RGS8: variants seen among roughly 807,000 people sequenced by gnomAD.
The protein encoded by RGS8 is regulator of G protein signaling 8.
RGS8 carries 8 observed loss-of-function variants against 21.7 expected under a neutral mutation model. That is an observed-to-expected ratio of 0.37 (90% CI 0.22 to 0.66). RGS8 has a LOEUF of 0.66. Among genes scored for constraint, RGS8 ranks in the 30% least tolerant of loss-of-function variants. The pLI is 0.59. For missense variants in RGS8, 157 were observed against 217.9 expected, an observed-to-expected ratio of 0.72 and a Z score of 1.76; for synonymous variants, 80 against 83.6, an observed-to-expected ratio of 0.96 and a Z score of 0.24.
At chr1:182,748,264 C>T in the RGS8 span, among the ~76,000 whole-genome samples, 6 of 152,150 alleles carry the variant, frequency 3.9e-5, no homozygotes, top group Non-Finnish European at 7.3e-5. Context: ...TCCCATTTCC[C>T]CCTCTCCTAA....
chr1:182,746,706 A>AAG, the RGS8 span, among the ~76,000 whole-genome samples: 233 of 150,808 alleles, frequency 1.5e-3, no homozygotes, highest in East Asian at 0.02. Context: ...GAAGGAAAGA[A>AAG]AGAGAGAGAG....
chr1:182,664,495 T>G (rs1663757542), intron 5 of RGS8, among the ~76,000 whole-genome samples: 1 of 152,130 alleles, frequency 6.6e-6, no homozygotes, highest in Non-Finnish European at 1.5e-5. Flanking sequence ...GAAACCAAAC[T>G]TCAAGATGAC....
the RGS8 span, among the ~76,000 whole-genome samples, chr1:182,709,724 G>C: frequency 2.0e-5 from 3 of 152,214 alleles, no homozygotes; most frequent in East Asian, 5.8e-4. Flanking sequence ...GCAAACTACT[G>C]CCAACCTAAT....
At chr1:182,702,105 A>G in the RGS8 span, among the ~76,000 whole-genome samples, 1 of 152,214 alleles carries the variant, frequency 6.6e-6, no homozygotes, top group African/African-American at 2.4e-5. Context: ...AAAATAAATC[A>G]TTCTGCTAAA....
At chr1:182,734,167 C>T in the RGS8 span, among the ~76,000 whole-genome samples, 4 of 151,866 alleles carry the variant, frequency 2.6e-5, no homozygotes, top group Admixed American at 1.3e-4. Flanking sequence ...GCAATCCGCC[C>T]GCCTCAGCCT....
chr1:182,742,693 CG>C, the RGS8 span, among the ~76,000 whole-genome samples: 1 of 152,112 alleles, frequency 6.6e-6, no homozygotes, highest in Non-Finnish European at 1.5e-5. Flanking sequence ...GCAGCAGTAC[CG>C]TCCAGCTTTG....
chr1:182,724,200 G>GGAGATA, the RGS8 span, among the ~76,000 whole-genome samples: 1 of 44,820 alleles, frequency 2.2e-5, no homozygotes, highest in African/African-American at 8.1e-5. Context: ...AGGCTAGACT[G>GGAGATA]GATATATATA....
chr1:182,693,793 TA>T, the RGS8 span, among the ~76,000 whole-genome samples: 1 of 152,132 alleles, frequency 6.6e-6, no homozygotes, highest in Non-Finnish European at 1.5e-5. Context: ...ACACAGCTAT[TA>T]AAAAATGAGA....
rs1196854355 is a variant in RGS8 at position 182,653,823 on chromosome 1, C to G, written c.194-5520G>C. Among the ~76,000 whole-genome samples, 3 of 152,288 alleles carry G rather than the reference C, an allele frequency of 2.0e-5. No individual in the cohort carries two copies. In the East Asian group the frequency reaches 5.8e-4, roughly 29 times the overall value. On this transcript the variant is annotated intron_variant, in intron 5 of 6. Transcript: ENST00000483095. Reference sequence around the variant, plus strand: ...AATCTAACTGACAAAATGTTGCACCCAGGAAGGTAGAAGAAATAGGATGAG... The same window carrying G: ...AATCTAACTGACAAAATGTTGCACCGAGGAAGGTAGAAGAAATAGGATGAG...
At chr1:182,706,200 G>A in the RGS8 span, among the ~76,000 whole-genome samples, 1 of 151,978 alleles carries the variant, frequency 6.6e-6, no homozygotes, top group South Asian at 2.1e-4. Context: ...GCCTGGGCTG[G>A]TCTCAAACTC....
the RGS8 span, among the ~76,000 whole-genome samples, chr1:182,693,184 A>G: frequency 6.6e-6 from 1 of 152,240 alleles, no homozygotes; most frequent in Non-Finnish European, 1.5e-5. Context: ...GGATAAACAG[A>G]CAACATAAAG....
At chr1:182,691,453 T>G in the RGS8 span, among the ~76,000 whole-genome samples, 1 of 151,986 alleles carries the variant, frequency 6.6e-6, no homozygotes, top group African/African-American at 2.4e-5. Context: ...CCACCATGAT[T>G]AAGTAGGCTT....
chr1:182,642,665 C>G (rs1662518389), downstream of RGS8: 1 of 152,276 alleles, frequency 6.6e-6, no homozygotes, highest in African/African-American at 2.4e-5. Context: ...GGGCCTGCAC[C>G]CAGAGGCTGG....
the RGS8 span, among the ~76,000 whole-genome samples, chr1:182,733,305 A>G: frequency 6.6e-6 from 1 of 152,362 alleles, no homozygotes; most frequent in Non-Finnish European, 1.5e-5. Context: ...GCCGTGCTCA[A>G]TATCCCAGGA....
chr1:182,669,539 GC>G, intron 3 of RGS8, 84 bp downstream of exon 4: 1 of 1,599,258 alleles, frequency 6.3e-7, no homozygotes, highest in African/African-American at 1.3e-5. Flanking sequence ...GAAGGCTTGG[GC>G]CAGACTCAAA....
At chr1:182,711,701 G>T in the RGS8 span, among the ~76,000 whole-genome samples, 1 of 152,250 alleles carries the variant, frequency 6.6e-6, no homozygotes, top group East Asian at 1.9e-4. Flanking sequence ...TTGTCTACCA[G>T]GAGCTCAAGG....
At chr1:182,651,715 A>C (rs762209007) in intron 5 of RGS8, among the ~76,000 whole-genome samples, 3 of 152,186 alleles carry the variant, frequency 2.0e-5, no homozygotes, top group Non-Finnish European at 2.9e-5. Flanking sequence ...CTCTAGAGGG[A>C]ACTCGGATTA....
At chr1:182,738,994 T>C in the RGS8 span, among the ~76,000 whole-genome samples, 1 of 152,214 alleles carries the variant, frequency 6.6e-6, no homozygotes. Flanking sequence ...AGATCTGTAG[T>C]TGTATCTCTG....
chr1:182,671,329 C>T (rs1664147237), intron 2 of RGS8, among the ~76,000 whole-genome samples: 1 of 152,218 alleles, frequency 6.6e-6, no homozygotes, highest in South Asian at 2.1e-4. Context: ...TGGCCCTGGA[C>T]TTCTGAGAGT....
Sources: gnomAD v4.1 joint callset for allele counts (sites outside exome capture counted in the v4.1 genomes callset) on GRCh38, gnomAD v4.1.1 for gene constraint, MANE v1.5 for transcripts, NCBI Gene and HGNC (gene_info 2026-07-23, HGNC 2026-07-21) for gene names.